The following POLK variants were observed in gnomAD, a reference collection of about 807,000 sequenced individuals.
The protein encoded by POLK is DNA polymerase kappa.
In POLK, 76 loss-of-function variants were observed where a neutral mutation model predicts 94.0. The observed-to-expected ratio is 0.81, with a 90% confidence interval of 0.67 to 0.98. The LOEUF (loss-of-function observed/expected upper bound fraction) is 0.98. Among genes scored for constraint, POLK ranks in the 50% least tolerant of loss-of-function variants. The pLI, the probability that POLK is intolerant of heterozygous loss-of-function variation, is 0.00. For synonymous variants in POLK, 349 were observed against 325.4 expected, an observed-to-expected ratio of 1.07 and a Z score of -0.78; for missense variants, 954 against 1,010.1, an observed-to-expected ratio of 0.94 and a Z score of 0.75.
exon 9 of POLK, chr5:75,584,880 T>C: frequency 6.2e-7 from 1 of 1,608,040 alleles, no homozygotes; most frequent in South Asian, 1.1e-5. Context: ...ATCTTGGCAT[T>C]ATTTCCTTCA....
chr5:75,511,096 A>AC, upstream of POLK: 5 of 1,536,382 alleles, frequency 3.3e-6, no homozygotes, highest in Non-Finnish European at 4.4e-6. Flanking sequence ...GTCCCTTGGC[A>AC]CCAGGGGTTG....
At chr5:75,592,926 C>T (rs550982878) in intron 11 of POLK, among the ~76,000 whole-genome samples, 14 of 151,282 alleles carry the variant, frequency 9.3e-5, no homozygotes, top group African/African-American at 2.9e-4. Flanking sequence ...CATGGTGGCA[C>T]GAGTGTGTAG....
chr5:75,573,254 A>G (rs1771690615), intron 4 of POLK, among the ~76,000 whole-genome samples: 1 of 152,168 alleles, frequency 6.6e-6, no homozygotes, highest in Non-Finnish European at 1.5e-5. Flanking sequence ...TCAGCAAACT[A>G]TTGCAAGGAC....
Position 75,552,510 on chromosome 5 carries a change from G to A in POLK, c.174G>A (p.Lys58=), listed in dbSNP as rs758702741. The change falls in exon 3 of 15, where the codon AAG becomes AAA. Residue 58 remains lysine (K), a synonymous_variant. Transcript: ENST00000241436. ...ATGGAAATGAGCTCAAGAAAGAAAA[G>A]CAAGTCAACCAACGAATTGAAAATA... 4.3e-6 allele frequency: 7 copies of A among 1,612,412 alleles called. No homozygotes were observed. The South Asian group carries it at 4.4e-5, about 10-fold the overall frequency.
chr5:75,527,520 C>T (rs1768926670), intron 1 of POLK, among the ~76,000 whole-genome samples: 2 of 150,870 alleles, frequency 1.3e-5, no homozygotes, highest in Non-Finnish European at 3.0e-5. Flanking sequence ...CACACACACA[C>T]ACACACACAC....
At chr5:75,597,249 G>A (rs1445020093) in intron 13 of POLK, 71 bp downstream of exon 13, 2 of 829,740 alleles carry the variant, frequency 2.4e-6, no homozygotes, top group Non-Finnish European at 3.9e-6. Context: ...TGAGATTGTT[G>A]TTAAATCTGA....
intron 1 of POLK, among the ~76,000 whole-genome samples, chr5:75,538,860 T>G (rs1261013937): frequency 6.6e-6 from 1 of 152,180 alleles, no homozygotes; most frequent in Non-Finnish European, 1.5e-5. Context: ...AACCTCCACT[T>G]TCCAAGTTCA....
intron 1 of POLK, among the ~76,000 whole-genome samples, chr5:75,523,732 C>G (rs1031594325): frequency 1.3e-5 from 2 of 152,080 alleles, no homozygotes; most frequent in Admixed American, 1.3e-4. Context: ...TTGTTTTTCA[C>G]TTGAGAGTGT....
rs1205716558 is a variant in POLK, at chr5:75,530,461, T to C, written c.-13-16549T>C. ...ACTTTGTCATCCAGGCTGGAGTGCA[T>C]TGGCATGATCTAGGCTCACTGTAAC... On this transcript the variant is annotated intron_variant, in intron 1 of 14. Transcript: ENST00000241436. 2.1e-5 allele frequency among the ~76,000 whole-genome samples: 3 copies of C among 142,104 alleles called. No homozygotes were observed. The East Asian group carries it at 6.6e-4, about 31-fold the overall frequency. The allele number at this position is 142,104 out of a possible 152,430, so 93.2% of individuals were successfully genotyped here.
chr5:75,539,058 C>T (rs1251784866), intron 1 of POLK, among the ~76,000 whole-genome samples: 4 of 152,174 alleles, frequency 2.6e-5, no homozygotes, highest in African/African-American at 9.7e-5. Context: ...AGGCATGAGC[C>T]ACCGTGCCCG....
intron 6 of POLK, among the ~76,000 whole-genome samples, chr5:75,578,490 A>G (rs1321486679): frequency 6.6e-6 from 1 of 152,168 alleles, no homozygotes; most frequent in Non-Finnish European, 1.5e-5. Flanking sequence ...ATAATGTCCA[A>G]ACTCACTATG....
At chr5:75,577,596 A>C (rs1771962868) in intron 6 of POLK, among the ~76,000 whole-genome samples, 1 of 152,180 alleles carries the variant, frequency 6.6e-6, no homozygotes, top group African/African-American at 2.4e-5. Flanking sequence ...CCCCTGAACA[A>C]AGTTCACCTG....
At chr5:75,518,005 G>GGTTGGAGTGCAGTGGTGT (rs1768399018) in intron 1 of POLK, among the ~76,000 whole-genome samples, 1 of 152,008 alleles carries the variant, frequency 6.6e-6, no homozygotes, top group East Asian at 1.9e-4. Flanking sequence ...TCATGATGAA[G>GGTTGGAGTGCAGTGGTGT]GATCTTATTA....
In POLK at chr5:75,587,007, C is replaced by T. The variant is rs1581087687; in HGVS notation, c.1227-19C>T. 2 of 1,503,354 alleles carry T rather than the reference C, an allele frequency of 1.3e-6. No homozygotes were observed. The highest frequency in any genetic ancestry group is 9.0e-7 in the Non-Finnish European group (1 of 1,107,934). The allele number at this position is 1,503,354 out of a possible 1,614,324, so 93.1% of individuals were successfully genotyped here. On this transcript the variant is annotated intron_variant, in intron 9 of 14. Transcript: ENST00000241436. Reference sequence around the variant, plus strand: ...AACTCAGTCTTTGAAAAATAAAGACCTTTTTTTTTCATTTCAAGGGATGGA... The same window carrying T: ...AACTCAGTCTTTGAAAAATAAAGACTTTTTTTTTTCATTTCAAGGGATGGA...
At chr5:75,536,716 G>A (rs1258788798) in intron 1 of POLK, among the ~76,000 whole-genome samples, 1 of 152,006 alleles carries the variant, frequency 6.6e-6, no homozygotes, top group African/African-American at 2.4e-5. Flanking sequence ...TCTAGCATGT[G>A]TTGCCCCCCA....
At chr5:75,563,194 G>A (rs766367206) in intron 3 of POLK, among the ~76,000 whole-genome samples, 9 of 152,010 alleles carry the variant, frequency 5.9e-5, no homozygotes, top group South Asian at 2.1e-4. Context: ...ACTCCCAACC[G>A]CAGGTGATCT....
chr5:75,565,030 G>A (rs973560854), intron 3 of POLK, among the ~76,000 whole-genome samples: 6 of 152,082 alleles, frequency 3.9e-5, no homozygotes, highest in Admixed American at 3.9e-4. Context: ...TCAAATGTAG[G>A]TTTGGTCTTT....
At chr5:75,558,742 C>T (rs73764928) in intron 3 of POLK, among the ~76,000 whole-genome samples, 11,680 of 152,136 alleles carry the variant, frequency 0.077, 536 homozygotes, top group South Asian at 0.17. Context: ...GTTCTATCCA[C>T]AGTAATATTA....
intron 13 of POLK, 85 bp downstream of exon 13, chr5:75,597,263 A>G (rs1773142544): frequency 3.9e-6 from 3 of 762,182 alleles, no homozygotes; most frequent in South Asian, 1.8e-5. Context: ...AATCTGAAAC[A>G]TATACTATTA....
Sources: allele counts gnomAD v4.1 joint callset (sites outside exome capture counted in the v4.1 genomes callset), GRCh38; gene constraint gnomAD v4.1.1; transcripts MANE v1.5; gene names NCBI Gene and HGNC (gene_info 2026-07-23, HGNC 2026-07-21).